Variants in CNTLN observed in about 807,000 individuals in gnomAD.
CNTLN encodes centlein, also known as centlein, centrosomal protein.
A neutral mutation model predicts 180.0 loss-of-function variants in CNTLN; 212 were observed. The ratio of observed to expected loss-of-function variants is 1.18; its 90% CI spans 1.05 to 1.32. The LOEUF (loss-of-function observed/expected upper bound fraction) is 1.32. CNTLN is among the 40% of genes most tolerant of loss of function. The pLI, the probability that CNTLN is intolerant of heterozygous loss-of-function variation, is 0.00. For synonymous variants in CNTLN, 722 were observed against 563.1 expected (o/e 1.28, Z -3.99); for missense variants, 2,095 against 1,610.9 (o/e 1.30, Z -5.14).
intron 7 of CNTLN, among the ~76,000 whole-genome samples, chr9:17,305,087 T>G (rs572159864): frequency 6.6e-5 from 10 of 152,230 alleles, no homozygotes; most frequent in African/African-American, 9.6e-5. Context: ...TCTTTAACAC[T>G]AATAAAATAT....
intron 5 of CNTLN, among the ~76,000 whole-genome samples, chr9:17,246,095 G>A (rs968177311): frequency 6.6e-6 from 1 of 151,990 alleles, no homozygotes; most frequent in Non-Finnish European, 1.5e-5. Flanking sequence ...GATGCTTGTG[G>A]ATATTCATTG....
At chr9:17,345,748 A>C (rs1288388528) in intron 12 of CNTLN, among the ~76,000 whole-genome samples, 2 of 152,076 alleles carry the variant, frequency 1.3e-5, no homozygotes, top group Non-Finnish European at 2.9e-5. Flanking sequence ...GTTTTGCTTC[A>C]ACTGTCAAAC....
chr9:17,245,597 G>C (rs1043336615), intron 5 of CNTLN, among the ~76,000 whole-genome samples: 1 of 151,916 alleles, frequency 6.6e-6, no homozygotes, highest in Non-Finnish European at 1.5e-5. Flanking sequence ...CTAGGTTTGG[G>C]ATGTTCTCTG....
At chr9:17,180,480 A>G (rs931111670) in intron 2 of CNTLN, among the ~76,000 whole-genome samples, 4 of 151,206 alleles carry the variant, frequency 2.6e-5, no homozygotes, top group Non-Finnish European at 4.4e-5. Context: ...TTTCCCCTAT[A>G]TAATATAGTT....
chr9:17,342,343 A>G lies in CNTLN; in HGVS notation c.1785A>G (p.Ile595Met), dbSNP rs1821546206. 1.9e-6 allele frequency: 3 copies of G among 1,612,432 alleles called. No homozygotes were observed. Among genetic ancestry groups the G allele is most frequent in the Admixed American group, 1.7e-5 (1 of 59,896 alleles). Residue 595 changes from isoleucine (I) to methionine (M), a missense_variant, in exon 12 of 26, where the codon ATA (isoleucine) becomes ATG (methionine). By Grantham distance (10) the Ile-to-Met change is conservative. Coordinates refer to ENST00000380647, the MANE Select transcript of CNTLN (RefSeq NM_017738.4). ...EGSGMTEIRK[I>M]KRADPQQLRQ... ...AAAATAGGACTGAAATCAGGAAAAT[A>G]AAGAGAGCAGATCCCCAACAACTTC...
intron 25 of CNTLN, among the ~76,000 whole-genome samples, chr9:17,492,412 C>T (rs968921497): frequency 2.0e-5 from 3 of 151,980 alleles, no homozygotes; most frequent in Non-Finnish European, 4.4e-5. Flanking sequence ...GAGATTTCTG[C>T]CTGGAAGTTC....
At chr9:17,446,824 C>T (rs529193045) in intron 18 of CNTLN, among the ~76,000 whole-genome samples, 1 of 152,222 alleles carries the variant, frequency 6.6e-6, no homozygotes, top group African/African-American at 2.4e-5. Context: ...TGTAATAGCA[C>T]ACCACAAGGA....
intron 6 of CNTLN, among the ~76,000 whole-genome samples, chr9:17,274,150 C>G (rs1828135763): frequency 6.6e-6 from 1 of 151,998 alleles, no homozygotes; most frequent in Non-Finnish European, 1.5e-5. Context: ...TCTAACATTT[C>G]TAGCCATGTG....
At chr9:17,198,686 C>T (rs1264349371) in intron 2 of CNTLN, among the ~76,000 whole-genome samples, 1 of 151,630 alleles carries the variant, frequency 6.6e-6, no homozygotes, top group Non-Finnish European at 1.5e-5. Flanking sequence ...CCTTGCCCCC[C>T]ACTCCCCAAC....
chr9:17,444,930 AC>A (rs1830312957), intron 18 of CNTLN, among the ~76,000 whole-genome samples: 1 of 152,134 alleles, frequency 6.6e-6, no homozygotes, highest in Non-Finnish European at 1.5e-5. Context: ...ATAGGTCAAA[AC>A]TTTGCAAATC....
At chr9:17,276,701 C>G (rs879414798) in intron 6 of CNTLN, among the ~76,000 whole-genome samples, 12 of 152,006 alleles carry the variant, frequency 7.9e-5, no homozygotes, top group Non-Finnish European at 1.6e-4. Flanking sequence ...TACAGATGCT[C>G]AAGCCCTTGA....
the CNTLN span, among the ~76,000 whole-genome samples, chr9:17,519,762 T>C: frequency 6.6e-6 from 1 of 152,232 alleles, no homozygotes; most frequent in Non-Finnish European, 1.5e-5. Flanking sequence ...CCTTAAGTAA[T>C]TTTAACATGC....
rs373194867 is a variant in CNTLN, at chr9:17,202,576, C to T, written c.450-23627C>T. 1.1e-3 allele frequency among the ~76,000 whole-genome samples: 169 copies of T among 149,762 alleles called. 3 individuals carry two copies. In the South Asian group the frequency reaches 0.033, roughly 30 times the overall value. On this transcript the variant is annotated intron_variant, in intron 2 of 25. Coordinates refer to ENST00000380647, the MANE Select transcript of CNTLN (RefSeq NM_017738.4). ...TTGATCCCTTTGCCATTATGTAATGCCCTTCTTTGTCTTTTTTGATCTTTG... is the reference window on the plus strand; with the variant it reads ...TTGATCCCTTTGCCATTATGTAATGTCCTTCTTTGTCTTTTTTGATCTTTG...
rs116616146 is a variant in CNTLN at position 17,467,478 on chromosome 9, A to C, written c.3855+587A>C. On this transcript the variant is annotated intron_variant, in intron 23 of 25. Transcript: ENST00000380647. ...ACTATTGAGTACTCCACGAAGAGGAAATTCCTTACTTTGCTTCTTTGGAAA... is the reference window on the plus strand; with the variant it reads ...ACTATTGAGTACTCCACGAAGAGGACATTCCTTACTTTGCTTCTTTGGAAA... 1.2e-3 allele frequency among the ~76,000 whole-genome samples: 180 copies of C among 151,728 alleles called. 1 individual carries two copies. Among genetic ancestry groups the C allele is most frequent in the African/African-American group, 4.3e-3 (177 of 41,496 alleles).
chr9:17,423,599 C>T (rs1828880140), intron 18 of CNTLN, among the ~76,000 whole-genome samples: 1 of 152,112 alleles, frequency 6.6e-6, no homozygotes, highest in African/African-American at 2.4e-5. Context: ...GCTCCAAGCC[C>T]AGCACAGCAC....
At chr9:17,230,808 T>C (rs183118462) in intron 3 of CNTLN, among the ~76,000 whole-genome samples, 4 of 152,178 alleles carry the variant, frequency 2.6e-5, no homozygotes, top group East Asian at 1.9e-4. Flanking sequence ...TCACCTCTTA[T>C]TGTTTTATGG....
intron 5 of CNTLN, among the ~76,000 whole-genome samples, chr9:17,263,199 C>G (rs1217030116): frequency 8.1e-6 from 1 of 124,096 alleles, no homozygotes; most frequent in South Asian, 3.3e-4. Flanking sequence ...CCCCTCCCCC[C>G]ACCCCACAAC....
intron 12 of CNTLN, among the ~76,000 whole-genome samples, chr9:17,365,052 G>T (rs1477370911): frequency 6.6e-6 from 1 of 152,156 alleles, no homozygotes. Context: ...TGTCAACCAG[G>T]TAGGGCCATG....
intron 6 of CNTLN, among the ~76,000 whole-genome samples, chr9:17,281,778 T>C (rs1208402312): frequency 6.6e-6 from 1 of 152,176 alleles, no homozygotes; most frequent in Non-Finnish European, 1.5e-5. Context: ...AATAGAATGA[T>C]TTATATTATA....
Sources: allele counts gnomAD v4.1 joint callset (sites outside exome capture counted in the v4.1 genomes callset), GRCh38; gene constraint gnomAD v4.1.1; transcripts MANE v1.5; gene names NCBI Gene and HGNC (gene_info 2026-07-23, HGNC 2026-07-21).